SETD2: variants seen among roughly 807,000 people sequenced by gnomAD.
SETD2 encodes the protein histone-lysine N-methyltransferase SETD2.
Under a neutral mutation model 242.1 loss-of-function variants are expected in SETD2, and 31 were observed. That is an observed-to-expected ratio of 0.13 (90% confidence interval 0.10 to 0.17). The LOEUF (loss-of-function observed/expected upper bound fraction) is 0.17, where lower values mean the gene tolerates loss of function less well. SETD2 is among the 10% of genes least tolerant of loss of function. The pLI is 1.00. For synonymous variants in SETD2, 1,006 were observed against 1,066.5 expected (o/e 0.94, Z 1.11); for missense variants, 2,481 against 3,046.3 (o/e 0.81, Z 4.37).
At chr3:47,023,649 T>G (rs1460801538) in intron 18 of SETD2, among the ~76,000 whole-genome samples, 2 of 152,042 alleles carry the variant, frequency 1.3e-5, no homozygotes, top group Admixed American at 1.3e-4. Context: ...CAGCCATGGA[T>G]AGAAAATATT....
chr3:47,034,273 C>T (rs1478593121), intron 18 of SETD2, among the ~76,000 whole-genome samples: 1 of 152,124 alleles, frequency 6.6e-6, no homozygotes, highest in Admixed American at 6.6e-5. Context: ...TACTCTATAA[C>T]CCCCCGAGGC....
At chr3:47,113,453 G>A (rs896402682) in intron 5 of SETD2, among the ~76,000 whole-genome samples, 1 of 152,148 alleles carries the variant, frequency 6.6e-6, no homozygotes, top group Non-Finnish European at 1.5e-5. Flanking sequence ...TAGCTACCAA[G>A]TGGTCATTCT....
In SETD2 at chr3:47,043,698, G is replaced by A. The variant is rs533754289; in HGVS notation, c.7099-998C>T. On this transcript the variant is annotated intron_variant, in intron 16 of 20. Coordinates refer to ENST00000409792, the MANE Select transcript of SETD2 (RefSeq NM_014159.7). ...AATGTGTTCACTTTTAAGCAAACAC[G>A]GGTCTTTGAGCATTCTTGCTTTGTG... Among the ~76,000 whole-genome samples, 187 of 152,192 alleles carry A rather than the reference G, an allele frequency of 1.2e-3. 1 individual carries two copies. Among genetic ancestry groups the A allele is most frequent in the Middle Eastern group, 3.4e-3 (1 of 294 alleles).
At chr3:47,080,070 C>T (rs559565443) in intron 12 of SETD2, among the ~76,000 whole-genome samples, 62 of 152,268 alleles carry the variant, frequency 4.1e-4, no homozygotes, top group African/African-American at 1.4e-3. Flanking sequence ...ATTTCACATA[C>T]AATATTAGCG....
intron 17 of SETD2, among the ~76,000 whole-genome samples, chr3:47,040,683 C>T (rs1299943684): frequency 6.9e-6 from 1 of 145,520 alleles, no homozygotes; most frequent in East Asian, 2.1e-4. Context: ...AAGTGATCCT[C>T]TCGCCTCAGC....
chr3:47,155,835 TTTG>T (rs1023350841), intron 1 of SETD2, among the ~76,000 whole-genome samples: 9 of 152,216 alleles, frequency 5.9e-5, no homozygotes, highest in East Asian at 3.9e-4. Flanking sequence ...TTTTTTTGTT[TTTG>T]TTGTTTTTTT....
chr3:47,027,440 T>C (rs538109921), intron 18 of SETD2, among the ~76,000 whole-genome samples: 7 of 151,366 alleles, frequency 4.6e-5, no homozygotes, highest in African/African-American at 1.7e-4. Context: ...AGGGATAGCA[T>C]TAGGAGATAT....
chr3:47,077,783 A>G (rs2107625303), intron 12 of SETD2, among the ~76,000 whole-genome samples: 1 of 152,204 alleles, frequency 6.6e-6, no homozygotes, highest in East Asian at 1.9e-4. Flanking sequence ...ATGAGCCTGG[A>G]ACAGCATATT....
At chr3:47,127,950 G>GCACTC (rs2106747707) in intron 1 of SETD2, among the ~76,000 whole-genome samples, 1 of 152,202 alleles carries the variant, frequency 6.6e-6, no homozygotes, top group African/African-American at 2.4e-5. Context: ...TCATGCCACT[G>GCACTC]CACTCCAGTC....
intron 18 of SETD2, among the ~76,000 whole-genome samples, chr3:47,023,309 A>G (rs1024626512): frequency 2.6e-5 from 4 of 152,190 alleles, no homozygotes; most frequent in Non-Finnish European, 5.9e-5. Context: ...CTGAGGCAGG[A>G]GAACTGCTTG....
At position 47,145,427 on chromosome 3, in the gene SETD2, G is replaced by A. The variant is rs1005618585; in HGVS notation, c.71+18427C>T. On this transcript the variant is annotated intron_variant, in intron 1 of 20. Transcript: ENST00000409792. ...TTTTTAAGAGACGGGGTCTTGCTTT[G>A]TTGCCCAGGCTGGAGCAAGTACAGT... is the stretch of plus-strand genomic sequence containing the variant. The A allele has an allele frequency of 3.5e-5, 11 of 311,690 alleles. 1 individual carries two copies. The Middle Eastern group carries it at 4.1e-3, about 115-fold the overall frequency. The allele number at this position is 311,690 out of a possible 1,614,324, so 19.3% of individuals were successfully genotyped here.
At chr3:47,118,301 T>A (rs1415957383) in intron 3 of SETD2, among the ~76,000 whole-genome samples, 1 of 152,216 alleles carries the variant, frequency 6.6e-6, no homozygotes, top group East Asian at 1.9e-4. Context: ...GGGCATAGAT[T>A]TTGGCAGGTA....
At chr3:47,110,411 AATATT>A (rs1463731790) in intron 5 of SETD2, among the ~76,000 whole-genome samples, 1 of 152,304 alleles carries the variant, frequency 6.6e-6, no homozygotes, top group African/African-American at 2.4e-5. Flanking sequence ...TAAAATGGTC[AATATT>A]ATATTATGTG....
rs886488957 is a variant in SETD2, at chr3:47,124,618, A to C, written c.88-70T>G. The C allele has an allele frequency of 2.3e-6, 3 of 1,315,654 alleles. No individual in the cohort carries two copies. The African/African-American group carries it at 4.5e-5, about 20-fold the overall frequency. 81.5% of individuals were successfully genotyped at this position (1,315,654 alleles called of 1,614,324 possible). The stretch of plus-strand genomic sequence containing the variant: ...ACTTTCAAATGGACTGCACAGTTTA[A>C]AATGTTTACTGGAGAAATGAAAAGC... On this transcript the variant is annotated intron_variant, in intron 2 of 20. Transcript: ENST00000409792.
At chr3:47,112,751 A>G (rs1363961417) in intron 5 of SETD2, among the ~76,000 whole-genome samples, 1 of 151,454 alleles carries the variant, frequency 6.6e-6, no homozygotes, top group Non-Finnish European at 1.5e-5. Context: ...CACCACACCC[A>G]TCTAATTTTT....
rs2037988432 is a variant in SETD2 at position 47,016,485 on chromosome 3, A to G, written c.*608T>C. 1 of 232,960 alleles carries G rather than the reference A, an allele frequency of 4.3e-6. No homozygotes were observed. The highest frequency in any genetic ancestry group is 8.5e-6 in the Non-Finnish European group (1 of 117,698). 14.4% of individuals were successfully genotyped at this position (232,960 alleles called of 1,614,324 possible). On this transcript the variant is annotated 3_prime_UTR_variant, in exon 21 of 21. Transcript: ENST00000409792. ...ACATAAAAAGTTCAGTAAAAATTGG[A>G]TAAAGTAAAGTGATTTTAAGCAGTA...
intron 1 of SETD2, 152 bp downstream of exon 1, chr3:47,163,702 G>T: frequency 3.3e-6 from 2 of 598,884 alleles, no homozygotes; most frequent in Non-Finnish European, 4.7e-6. Context: ...TCGAAGTGGC[G>T]GCGCGGGCCT....
chr3:47,035,831 G>A (rs549039096), intron 18 of SETD2, among the ~76,000 whole-genome samples: 1 of 152,292 alleles, frequency 6.6e-6, no homozygotes, highest in East Asian at 1.9e-4. Context: ...GGAAATGGGA[G>A]TTGTGATTTT....
intron 16 of SETD2, among the ~76,000 whole-genome samples, chr3:47,044,503 G>A (rs2039433504): frequency 6.6e-6 from 1 of 151,082 alleles, no homozygotes; most frequent in African/African-American, 2.4e-5. Context: ...TAACTGTCCT[G>A]TCTAAAGTCA....
Sources: gnomAD v4.1 joint callset for allele counts (sites outside exome capture counted in the v4.1 genomes callset) on GRCh38, gnomAD v4.1.1 for gene constraint, MANE v1.5 for transcripts, NCBI Gene and HGNC (gene_info 2026-07-23, HGNC 2026-07-21) for gene names.